Variants in ST18 observed in about 807,000 individuals in gnomAD.
The protein encoded by ST18 is ST18 C2H2C-type zinc finger transcription factor.
Under a neutral mutation model 110.0 loss-of-function variants are expected in ST18, and 50 were observed. The observed-to-expected ratio is 0.45, with a 90% CI of 0.36 to 0.58. ST18 has a LOEUF of 0.58. Ranked by LOEUF, ST18 falls within the 20% of genes least tolerant of loss-of-function variation. The probability of loss-of-function intolerance (pLI) is 0.00; values close to 1 mark genes in which losing one functional copy is unlikely to be tolerated. For missense variants in ST18, 1,306 were observed against 1,280.1 expected, an observed-to-expected ratio of 1.02 and a Z score of -0.31; for synonymous variants, 461 against 452.4, an observed-to-expected ratio of 1.02 and a Z score of -0.24.
intron 9 of ST18, among the ~76,000 whole-genome samples, chr8:52,173,698 G>A (rs531179991): frequency 1.1e-4 from 17 of 152,264 alleles, no homozygotes; most frequent in African/African-American, 3.6e-4. Context: ...CAAAAAATAG[G>A]AGGACTGTTT....
intron 2 of ST18, among the ~76,000 whole-genome samples, chr8:52,338,042 T>A (rs1372507006): frequency 6.6e-6 from 1 of 152,208 alleles, no homozygotes; most frequent in Non-Finnish European, 1.5e-5. Flanking sequence ...GACTTCCTTT[T>A]AAATTTTATT....
chr8:52,217,510 G>C (rs748553917), intron 6 of ST18, among the ~76,000 whole-genome samples: 1 of 152,064 alleles, frequency 6.6e-6, no homozygotes, highest in Non-Finnish European at 1.5e-5. Context: ...CTTCGAAAAG[G>C]GCTTAATGTC....
chr8:52,242,615 G>T (rs564901255), intron 2 of ST18, among the ~76,000 whole-genome samples: 1 of 152,318 alleles, frequency 6.6e-6, no homozygotes, highest in South Asian at 2.1e-4. Context: ...GAGGCAGATT[G>T]ATCACTTGAG....
At chr8:52,354,607 T>C (rs185265777) in intron 2 of ST18, among the ~76,000 whole-genome samples, 3 of 152,190 alleles carry the variant, frequency 2.0e-5, no homozygotes, top group Admixed American at 6.5e-5. Context: ...GAAGCATGGA[T>C]AGAAAGAGAC....
intron 2 of ST18, among the ~76,000 whole-genome samples, chr8:52,284,603 A>G (rs1318881547): frequency 2.0e-5 from 3 of 152,066 alleles, no homozygotes; most frequent in African/African-American, 7.2e-5. Context: ...CATCACACTC[A>G]AGGGGAGGCA....
intron 22 of ST18, among the ~76,000 whole-genome samples, chr8:52,131,395 G>A (rs1056717648): frequency 8.5e-5 from 13 of 152,136 alleles, no homozygotes; most frequent in African/African-American, 2.9e-4. Flanking sequence ...CATGACACTC[G>A]GTGGTAAAGG....
At chr8:52,359,289 C>T (rs1173569436) in intron 2 of ST18, among the ~76,000 whole-genome samples, 2 of 152,064 alleles carry the variant, frequency 1.3e-5, no homozygotes, top group Non-Finnish European at 2.9e-5. Context: ...ATACACGACA[C>T]TGTGAATCTA....
At chr8:52,129,962 T>C (rs1325492295) in intron 22 of ST18, among the ~76,000 whole-genome samples, 2 of 151,446 alleles carry the variant, frequency 1.3e-5, no homozygotes. Context: ...GAAGAATCAT[T>C]TGAACTGGGG....
rs1297033239 is a variant in ST18 at position 52,133,293 on chromosome 8, G to A, written c.2309C>T (p.Thr770Ile). 2.5e-6 allele frequency: 4 copies of A among 1,614,144 alleles called. No individual in the cohort carries two copies. The highest frequency in any genetic ancestry group is 1.6e-4 in the Middle Eastern group (1 of 6,062). ...GTGCCCCGAGCCATCGCAGCCTGGGGTTGGACACCTGGAAGGCACAGGAAG... is the reference window on the plus strand; with the variant it reads ...GTGCCCCGAGCCATCGCAGCCTGGGATTGGACACCTGGAAGGCACAGGAAG... ...AANSQELKCP[T>I]PGCDGSGHVT... The change falls in exon 20 of 26, where the codon ACC (threonine) becomes ATC (isoleucine). Residue 770 changes from threonine (T) to isoleucine (I), a missense_variant. Physicochemically the swap from Thr to Ile is moderately conservative, Grantham distance 89. Transcript: ENST00000689386.
intron 8 of ST18, among the ~76,000 whole-genome samples, chr8:52,181,315 TAAAG>T (rs1459601816): frequency 2.6e-5 from 4 of 152,174 alleles, no homozygotes; most frequent in Admixed American, 6.5e-5. Context: ...TATTACTAAA[TAAAG>T]AAAGGCCTTA....
chr8:52,365,601 T>C (rs1237140255), intron 2 of ST18, among the ~76,000 whole-genome samples: 1 of 152,094 alleles, frequency 6.6e-6, no homozygotes, highest in African/African-American at 2.4e-5. Context: ...AAAACTTACG[T>C]TATTTATGTC....
chr8:52,163,933 T>A (rs2062118425), intron 13 of ST18, 53 bp downstream of exon 13: 3 of 1,408,372 alleles, frequency 2.1e-6, no homozygotes, highest in Admixed American at 1.8e-5. Context: ...GAGGCCCCGC[T>A]GTGCAGGAGC....
Position 52,218,782 on chromosome 8 carries a change from G to A in ST18, c.-156-881C>T, listed in dbSNP as rs560620892. On this transcript the variant is annotated intron_variant, in intron 5 of 25. Transcript: ENST00000689386. Reference sequence around the variant, plus strand: ...TGAACAAGATTTTGCTGTGCTCATCGCCTGAGATTTTTGACCTGGCAGTGT... The same window carrying A: ...TGAACAAGATTTTGCTGTGCTCATCACCTGAGATTTTTGACCTGGCAGTGT... Among the ~76,000 whole-genome samples, 82 of 151,996 alleles carry A rather than the reference G, an allele frequency of 5.4e-4. 3 individuals are homozygous for A. In the South Asian group the frequency reaches 0.01, roughly 19 times the overall value.
chr8:52,381,983 A>AAAG, intron 2 of ST18, among the ~76,000 whole-genome samples: 1 of 151,078 alleles, frequency 6.6e-6, no homozygotes, highest in South Asian at 2.1e-4. Flanking sequence ...ACAAAAAAAA[A>AAAG]CAAAAAAACA....
intron 18 of ST18, among the ~76,000 whole-genome samples, 182 bp downstream of exon 18, chr8:52,137,239 C>A (rs558043551): frequency 6.6e-6 from 1 of 152,232 alleles, no homozygotes; most frequent in East Asian, 1.9e-4. Context: ...ATCAGAAAAC[C>A]ATTTTGACCA....
Position 52,172,198 on chromosome 8 carries a change from A to G in ST18, c.663T>C (p.Tyr221=), listed in dbSNP as rs1406068102. ...EETKPPRVPK[Y]VLTDHKKDLL... is the part of the protein sequence containing the mutation. ...GGTCTTTTTTATGATCTGTTAAAAC[A>G]TACTTTGGGACTCTAGGTGGTTTGG... is the stretch of plus-strand genomic sequence containing the variant. Residue 221 remains tyrosine (Y), a synonymous_variant, in exon 10 of 26, where the codon TAT becomes TAC. Transcript: ENST00000689386. 6.2e-7 allele frequency: 1 copy of G among 1,614,160 alleles called. No homozygotes were observed. The highest frequency in any genetic ancestry group is 8.5e-7 in the Non-Finnish European group (1 of 1,180,038).
intron 2 of ST18, among the ~76,000 whole-genome samples, chr8:52,263,785 C>T (rs184523814): frequency 2.2e-5 from 3 of 137,086 alleles, no homozygotes; most frequent in Admixed American, 7.7e-5. Flanking sequence ...CTTGCTCTGT[C>T]ACCCAGGCTG....
At chr8:52,305,352 G>A (rs532488491) in intron 2 of ST18, among the ~76,000 whole-genome samples, 1 of 152,310 alleles carries the variant, frequency 6.6e-6, no homozygotes, top group South Asian at 2.1e-4. Context: ...ACTTGTGTCT[G>A]TGCAGTGCAT....
intron 2 of ST18, among the ~76,000 whole-genome samples, chr8:52,231,225 C>T (rs530091701): frequency 7.2e-5 from 11 of 152,292 alleles, no homozygotes; most frequent in African/African-American, 2.2e-4. Flanking sequence ...TGCTTTCCAT[C>T]CCATAATGCA....
Sources: gnomAD v4.1 joint callset for allele counts (sites outside exome capture counted in the v4.1 genomes callset) on GRCh38, gnomAD v4.1.1 for gene constraint, MANE v1.5 for transcripts, NCBI Gene and HGNC (gene_info 2026-07-23, HGNC 2026-07-21) for gene names.